Variants in CTIF observed in about 807,000 individuals in gnomAD.
CTIF encodes cap binding complex dependent translation initiation factor.
In CTIF, 21 loss-of-function variants were observed where a neutral mutation model predicts 66.0. That is an observed-to-expected ratio of 0.32 (90% CI 0.23 to 0.46). The LOEUF (loss-of-function observed/expected upper bound fraction) is 0.46. Ranked by LOEUF, CTIF falls within the 20% of genes least tolerant of loss-of-function variation. CTIF has a pLI of 1.00. For missense variants in CTIF, 739 were observed against 812.7 expected, an observed-to-expected ratio of 0.91 and a Z score of 1.10; for synonymous variants, 345 against 326.4, an observed-to-expected ratio of 1.06 and a Z score of -0.62.
Position 48,860,250 on chromosome 18 carries a change from T to G in CTIF, c.*691T>G. The G allele has an allele frequency of 3.2e-6, 1 of 311,784 alleles. No individual in the cohort carries two copies. 19.3% of individuals were successfully genotyped at this position (311,784 alleles called of 1,614,324 possible). On this transcript the variant is annotated 3_prime_UTR_variant, in exon 12 of 12. Transcript: ENST00000256413. Reference sequence around the variant, plus strand: ...TGCAGTTCCACTTGCACTCTTTTGTTTATTGTGTTTTATTTTTCAAAAGTC... The same window carrying G: ...TGCAGTTCCACTTGCACTCTTTTGTGTATTGTGTTTTATTTTTCAAAAGTC...
chr18:48,758,653 G>C (rs1415946684), intron 8 of CTIF, among the ~76,000 whole-genome samples: 1 of 152,180 alleles, frequency 6.6e-6, no homozygotes, highest in African/African-American at 2.4e-5. Flanking sequence ...AGAGGCCCAG[G>C]GTGGGCACTT....
intron 1 of CTIF, among the ~76,000 whole-genome samples, chr18:48,604,599 A>G (rs531831122): frequency 3.3e-5 from 5 of 152,206 alleles, no homozygotes; most frequent in African/African-American, 1.2e-4. Context: ...GTCAATAATC[A>G]TGGGGCCAAT....
chr18:48,575,677 G>A (rs1400174526), intron 1 of CTIF, among the ~76,000 whole-genome samples: 1 of 152,038 alleles, frequency 6.6e-6, no homozygotes, highest in African/African-American at 2.4e-5. Context: ...TCCCGGGAGG[G>A]TCTCTGCCCT....
At chr18:48,807,975 T>A (rs2068184902) in intron 9 of CTIF, among the ~76,000 whole-genome samples, 1 of 152,232 alleles carries the variant, frequency 6.6e-6, no homozygotes, top group Non-Finnish European at 1.5e-5. Flanking sequence ...TTTATGTGCA[T>A]TAAGCTTATT....
chr18:48,549,767 A>C (rs958362753), intron 1 of CTIF, among the ~76,000 whole-genome samples: 5 of 152,202 alleles, frequency 3.3e-5, no homozygotes, highest in African/African-American at 1.2e-4. Context: ...CCTCCGCTCC[A>C]GTGGAGGAGG....
chr18:48,848,097 T>A (rs2069119532), intron 10 of CTIF, among the ~76,000 whole-genome samples: 1 of 152,212 alleles, frequency 6.6e-6, no homozygotes, highest in African/African-American at 2.4e-5. Context: ...TTCTTCTGAC[T>A]CTGCCTCATT....
intron 10 of CTIF, among the ~76,000 whole-genome samples, chr18:48,820,380 AG>A (rs1392951088): frequency 1.3e-5 from 2 of 152,158 alleles, no homozygotes; most frequent in East Asian, 3.9e-4. Flanking sequence ...CCAGAGCCAA[AG>A]GCACAGCTGC....
intron 9 of CTIF, among the ~76,000 whole-genome samples, chr18:48,794,618 A>G (rs1192954336): frequency 6.6e-6 from 1 of 152,184 alleles, no homozygotes; most frequent in Non-Finnish European, 1.5e-5. Context: ...GTTTGGGAAC[A>G]TTCTTCCCAG....
At chr18:48,769,707 A>G (rs1909919874) in intron 9 of CTIF, among the ~76,000 whole-genome samples, 1 of 152,240 alleles carries the variant, frequency 6.6e-6, no homozygotes, top group Non-Finnish European at 1.5e-5. Flanking sequence ...GCCACAGTGG[A>G]TAGGAGCCGT....
At chr18:48,803,149 A>G (rs1471405432) in intron 9 of CTIF, among the ~76,000 whole-genome samples, 2 of 152,202 alleles carry the variant, frequency 1.3e-5, no homozygotes, top group African/African-American at 2.4e-5. Flanking sequence ...GATTTTGCCA[A>G]TAGAAATATG....
chr18:48,739,202 T>G (rs1268915543), intron 7 of CTIF, among the ~76,000 whole-genome samples: 1 of 152,136 alleles, frequency 6.6e-6, no homozygotes, highest in Non-Finnish European at 1.5e-5. Context: ...CAGCCAAGAT[T>G]CCTCCCGGCA....
intron 3 of CTIF, among the ~76,000 whole-genome samples, chr18:48,660,792 T>A (rs1237418637): frequency 1.3e-5 from 2 of 152,232 alleles, no homozygotes; most frequent in Non-Finnish European, 2.9e-5. Flanking sequence ...GGGAGATTTA[T>A]GTGCCCATCT....
At chr18:48,640,914 G>A (rs538332621) in intron 3 of CTIF, among the ~76,000 whole-genome samples, 2 of 152,214 alleles carry the variant, frequency 1.3e-5, no homozygotes, top group Non-Finnish European at 2.9e-5. Flanking sequence ...GAAGAGATTG[G>A]GTCCCACGAG....
chr18:48,821,507 CTGTT>C (rs1343857868), intron 10 of CTIF, among the ~76,000 whole-genome samples: 5 of 152,242 alleles, frequency 3.3e-5, no homozygotes, highest in African/African-American at 4.8e-5. Context: ...AGGGGCTACT[CTGTT>C]TGTTTTCTTG....
rs561704346 is a variant in CTIF, at chr18:48,753,057, A to G, written c.585-4862A>G. Among the ~76,000 whole-genome samples the G allele has an allele frequency of 1.7e-3, 261 of 152,304 alleles. 2 individuals carry two copies. The highest frequency in any genetic ancestry group is 3.4e-3 in the Middle Eastern group (1 of 294). The stretch of plus-strand genomic sequence containing the variant: ...GTTGGTGCCTGTGCCTCCGAGCCTC[A>G]CCGCAACCCTTGCGTTGTCCCAGGT... On this transcript the variant is annotated intron_variant, in intron 7 of 11. Transcript: ENST00000256413.
intron 9 of CTIF, among the ~76,000 whole-genome samples, chr18:48,794,475 C>T (rs915325003): frequency 3.3e-5 from 5 of 151,964 alleles, no homozygotes; most frequent in Non-Finnish European, 5.9e-5. Flanking sequence ...GTCTTGGGGC[C>T]GGGGGAGGGG....
At chr18:48,602,902 T>TAA (rs2090120212) in intron 1 of CTIF, among the ~76,000 whole-genome samples, 1 of 143,180 alleles carries the variant, frequency 7.0e-6, no homozygotes, top group African/African-American at 2.6e-5. Flanking sequence ...AATGGGTGGA[T>TAA]GGATGGGTGG....
intron 6 of CTIF, among the ~76,000 whole-genome samples, chr18:48,681,906 C>G (rs1157158011): frequency 6.6e-6 from 1 of 152,192 alleles, no homozygotes; most frequent in East Asian, 1.9e-4. Flanking sequence ...CTACCTCAGC[C>G]TCCCAAGTAG....
chr18:48,607,761 G>A (rs570565483), intron 1 of CTIF, among the ~76,000 whole-genome samples: 14 of 152,314 alleles, frequency 9.2e-5, no homozygotes, highest in African/African-American at 3.4e-4. Flanking sequence ...ACACTGAGCA[G>A]GAGCACCCTG....
Sources: gnomAD v4.1 joint callset for allele counts (sites outside exome capture counted in the v4.1 genomes callset) on GRCh38, gnomAD v4.1.1 for gene constraint, MANE v1.5 for transcripts, NCBI Gene and HGNC (gene_info 2026-07-23, HGNC 2026-07-21) for gene names.